The following COL17A1 variants were observed in gnomAD, a reference collection of about 807,000 sequenced individuals.
COL17A1 encodes collagen type XVII alpha 1 chain, also known as collagen alpha-1(XVII) chain.
In COL17A1, 181 loss-of-function variants were observed where a neutral mutation model predicts 218.4. The ratio of observed to expected loss-of-function variants is 0.83; its 90% CI spans 0.73 to 0.94. The LOEUF (loss-of-function observed/expected upper bound fraction) is 0.94. Ranked by LOEUF, COL17A1 falls within the 40% of genes least tolerant of loss-of-function variation. The pLI, the probability that COL17A1 is intolerant of heterozygous loss-of-function variation, is 0.00. For synonymous variants in COL17A1, 721 were observed against 731.0 expected (o/e 0.99, Z 0.22); for missense variants, 1,924 against 1,945.9 (o/e 0.99, Z 0.21).
intron 11 of COL17A1, 127 bp from the exon 12 acceptor site, chr10:104,062,456 T>A: frequency 7.8e-7 from 1 of 1,280,194 alleles, no homozygotes; most frequent in Non-Finnish European, 1.1e-6. Context: ...CCAAACTTCC[T>A]CGGTTCCCAC....
chr10:104,071,065 G>A (rs1376155828), intron 8 of COL17A1, among the ~76,000 whole-genome samples: 5 of 152,318 alleles, frequency 3.3e-5, no homozygotes, highest in African/African-American at 1.2e-4. Context: ...TTAATTTCAA[G>A]TCTATCTGGC....
At chr10:104,044,761 G>A (rs2086392879) in intron 33 of COL17A1, among the ~76,000 whole-genome samples, 1 of 152,098 alleles carries the variant, frequency 6.6e-6, no homozygotes, top group Non-Finnish European at 1.5e-5. Flanking sequence ...TGGACTGGAA[G>A]TCACGGGCCC....
chr10:104,048,408 TC>T (rs2086435144), intron 29 of COL17A1, among the ~76,000 whole-genome samples: 1 of 152,208 alleles, frequency 6.6e-6, no homozygotes, highest in African/African-American at 2.4e-5. Context: ...TCCTCCATGT[TC>T]TTGTCTCCTC....
At chr10:104,079,265 C>G (rs770672952) in intron 2 of COL17A1, among the ~76,000 whole-genome samples, 41 of 152,054 alleles carry the variant, frequency 2.7e-4, no homozygotes, top group Non-Finnish European at 5.7e-4. Flanking sequence ...TGACTGTGGC[C>G]CTCAGCACTA....
intron 51 of COL17A1, 36 bp from the exon 52 acceptor site, chr10:104,034,370 A>C (rs1589554986): frequency 6.5e-7 from 1 of 1,532,926 alleles, no homozygotes; most frequent in South Asian, 1.2e-5. Flanking sequence ...GGGAGCTCAG[A>C]TCTCGGTGGA....
chr10:104,039,296 T>C, intron 43 of COL17A1, 149 bp downstream of exon 43: 1 of 1,058,846 alleles, frequency 9.4e-7, no homozygotes, highest in Middle Eastern at 2.9e-4. Flanking sequence ...CCTTGTCCCT[T>C]CCACCCTCTG....
intron 28 of COL17A1, 80 bp downstream of exon 28, chr10:104,050,009 C>G (rs1247413788): frequency 2.5e-6 from 4 of 1,607,786 alleles, no homozygotes; most frequent in Non-Finnish European, 3.4e-6. Context: ...TCTCTTACTT[C>G]TGGATTTTTT....
At chr10:104,049,720 C>T (rs1194310709) in intron 28 of COL17A1, among the ~76,000 whole-genome samples, 1 of 152,252 alleles carries the variant, frequency 6.6e-6, no homozygotes, top group Non-Finnish European at 1.5e-5. Context: ...ACAGCTTTAT[C>T]ACTGTCAATT....
In COL17A1 at chr10:104,077,371, C is replaced by G. The variant is rs372550301; in HGVS notation, c.202+51G>C. 1.3e-3 allele frequency: 1,848 copies of G among 1,449,388 alleles called. 3 individuals are homozygous for G. The highest frequency in any genetic ancestry group is 1.6e-3 in the Non-Finnish European group (1,713 of 1,042,762). The allele number at this position is 1,449,388 out of a possible 1,614,324, so 89.8% of individuals were successfully genotyped here. On this transcript the variant is annotated intron_variant, in intron 4 of 55. Transcript: ENST00000648076. Reference sequence around the variant, plus strand: ...CCTGTGTAGGACTTTCTTGGTGTCTCTCTCTTTGTCACCCATTCTTCCCTG... The same window carrying G: ...CCTGTGTAGGACTTTCTTGGTGTCTGTCTCTTTGTCACCCATTCTTCCCTG...
At chr10:104,044,406 T>A (rs140281109) in intron 33 of COL17A1, among the ~76,000 whole-genome samples, 1 of 152,286 alleles carries the variant, frequency 6.6e-6, no homozygotes, top group African/African-American at 2.4e-5. Context: ...AAAATACAAG[T>A]GTGCGTGGAG....
In COL17A1 at chr10:104,037,041, T is replaced by A. The variant is rs1564672005; in HGVS notation, c.3277+4A>T. On this transcript the variant is annotated splice_donor_region_variant and intron_variant, in intron 47 of 55. Coordinates refer to ENST00000648076, the MANE Select transcript of COL17A1 (RefSeq NM_000494.4). Reference sequence around the variant, plus strand: ...CACCCTCGATCCCCCCACAGGTGACTCACGCTGCAGCACAGCCAGAATGTC... The same window carrying A: ...CACCCTCGATCCCCCCACAGGTGACACACGCTGCAGCACAGCCAGAATGTC... 6.2e-7 allele frequency: 1 copy of A among 1,603,220 alleles called. No individual in the cohort carries two copies. The highest frequency in any genetic ancestry group is 2.2e-5 in the East Asian group (1 of 44,710).
At chr10:104,056,033 T>C in intron 17 of COL17A1, 30 bp from the exon 18 acceptor site, 1 of 1,613,352 alleles carries the variant, frequency 6.2e-7, no homozygotes, top group Non-Finnish European at 8.5e-7. Flanking sequence ...ACTGCGTCAC[T>C]GAGGGCCCGG....
chr10:104,058,662 G>A (rs1227008694), intron 15 of COL17A1, among the ~76,000 whole-genome samples: 1 of 152,120 alleles, frequency 6.6e-6, no homozygotes, highest in Admixed American at 6.6e-5. Context: ...GGCCAGGCAC[G>A]GTGACTCACG....
chr10:104,042,560 GC>G, intron 35 of COL17A1, 105 bp from the exon 36 acceptor site: 1 of 1,128,312 alleles, frequency 8.9e-7, no homozygotes, highest in Non-Finnish European at 1.3e-6. Flanking sequence ...ACCCAAAGAG[GC>G]CACCTTGCTT....
At chr10:104,084,516 A>G (rs2086790676) in intron 1 of COL17A1, among the ~76,000 whole-genome samples, 1 of 152,072 alleles carries the variant, frequency 6.6e-6, no homozygotes, top group Non-Finnish European at 1.5e-5. Flanking sequence ...TGGGGTTAGT[A>G]TAATATGAGT....
At chr10:104,062,112 A>G in intron 12 of COL17A1, 146 bp downstream of exon 12, 3 of 1,244,630 alleles carry the variant, frequency 2.4e-6, no homozygotes, top group Non-Finnish European at 3.5e-6. Context: ...CCAGTTAATG[A>G]TCAAGATTGA....
rs529850690 is a variant in COL17A1 at position 104,076,315 on chromosome 10, C to A, written c.317G>T (p.Arg106Leu). The A allele has an allele frequency of 1.2e-6, 2 of 1,613,922 alleles. No individual in the cohort carries two copies. Among genetic ancestry groups the A allele is most frequent in the Non-Finnish European group, 1.7e-6 (2 of 1,179,958 alleles). The change falls in exon 5 of 56, where the codon CGC becomes CTC. Residue 106 changes from arginine (R) to leucine (L), a missense_variant. Physicochemically the swap from Arg to Leu is moderately radical, Grantham distance 102. Transcript: ENST00000648076. ...STFERKTHVTRHAYEGSSSGN... is the reference protein window; with the variant it reads ...STFERKTHVTLHAYEGSSSGN... The stretch of plus-strand genomic sequence containing the variant: ...GGGACTGATACCTTCATACGCATGG[C>A]GGGTAACGTGAGTTTTCCTTTCAAA...
chr10:104,065,128 C>T (rs1457211883), intron 9 of COL17A1, among the ~76,000 whole-genome samples: 2 of 152,190 alleles, frequency 1.3e-5, no homozygotes, highest in African/African-American at 2.4e-5. Context: ...TTAAACATTC[C>T]TATGTACCAG....
intron 1 of COL17A1, among the ~76,000 whole-genome samples, chr10:104,082,212 T>A (rs1437391739): frequency 3.3e-5 from 5 of 152,380 alleles, no homozygotes; most frequent in African/African-American, 1.2e-4. Context: ...TTTATAGGTA[T>A]GTTTCCTGGA....
Sources: gnomAD v4.1 joint callset for allele counts (sites outside exome capture counted in the v4.1 genomes callset) on GRCh38, gnomAD v4.1.1 for gene constraint, MANE v1.5 for transcripts, NCBI Gene and HGNC (gene_info 2026-07-23, HGNC 2026-07-21) for gene names.